The following ZNF385D variants were observed in gnomAD, a reference collection of about 807,000 sequenced individuals.
ZNF385D encodes the protein zinc finger protein 659.
In ZNF385D, 15 loss-of-function variants were observed where a neutral mutation model predicts 35.8. That is an observed-to-expected ratio of 0.42 (90% CI 0.28 to 0.64). ZNF385D has a LOEUF of 0.64. Ranked by LOEUF, ZNF385D falls within the 30% of genes least tolerant of loss-of-function variation. The pLI, the probability that ZNF385D is intolerant of heterozygous loss-of-function variation, is 0.23. For synonymous variants in ZNF385D, 212 were observed against 186.8 expected (o/e 1.13, Z -1.10); for missense variants, 474 against 494.6 (o/e 0.96, Z 0.39).
intron 2 of ZNF385D, among the ~76,000 whole-genome samples, chr3:21,659,518 C>A (rs1406699128): frequency 6.6e-6 from 1 of 152,026 alleles, no homozygotes; most frequent in Non-Finnish European, 1.5e-5. Context: ...CTGCTGTAAC[C>A]AGAGTCCTGA....
At chr3:21,998,492 A>G (rs1277757315) in intron 3 of ZNF385D, among the ~76,000 whole-genome samples, 1 of 152,348 alleles carries the variant, frequency 6.6e-6, no homozygotes, top group Admixed American at 6.5e-5. Flanking sequence ...GACATCAGCC[A>G]CAGGGCTGTT....
intron 3 of ZNF385D, among the ~76,000 whole-genome samples, chr3:22,096,588 C>T (rs886405562): frequency 6.6e-6 from 1 of 151,920 alleles, no homozygotes; most frequent in African/African-American, 2.4e-5. Flanking sequence ...AAATTTTATT[C>T]CTCCTCTATT....
At chr3:21,464,203 T>A (rs1456133159) in intron 4 of ZNF385D, among the ~76,000 whole-genome samples, 1 of 152,164 alleles carries the variant, frequency 6.6e-6, no homozygotes, top group Non-Finnish European at 1.5e-5. Context: ...GCAGATTTCA[T>A]CATAATTTTA....
At chr3:21,425,763 G>A in intron 5 of ZNF385D, 93 bp from the exon 6 acceptor site, 3 of 1,181,250 alleles carry the variant, frequency 2.5e-6, no homozygotes, top group Non-Finnish European at 3.5e-6. Flanking sequence ...ATCTTAGCTA[G>A]TATATACCTT....
rs573464733 is a variant in ZNF385D at position 21,635,784 on chromosome 3, C to A, written c.165+29102G>T. On this transcript the variant is annotated intron_variant, in intron 2 of 7. Transcript: ENST00000281523. Reference sequence around the variant, plus strand: ...CCTTTACATTCTCATAGCTTAGCTCCCACTTATGAGTGAGAACATACGATG... The same window carrying A: ...CCTTTACATTCTCATAGCTTAGCTCACACTTATGAGTGAGAACATACGATG... 3.3e-5 allele frequency among the ~76,000 whole-genome samples: 5 copies of A among 152,214 alleles called. No homozygotes were observed. The South Asian group carries it at 1.0e-3, about 32-fold the overall frequency.
At position 21,908,595 on chromosome 3, in the gene ZNF385D, A is replaced by C. The variant is rs1354297952; in HGVS notation, c.326-243567T>G. ...AAATCAAGGAAAGATTACCTACAAC[A>C]GTTAGGAAGGTTTTCACTAAGGATG... is the stretch of plus-strand genomic sequence containing the variant. On this transcript the variant is annotated intron_variant, in intron 3 of 5. Coordinates refer to the ZNF385D transcript ENST00000494108. Among the ~76,000 whole-genome samples, 8 of 152,230 alleles carry C rather than the reference A, an allele frequency of 5.3e-5. No individual in the cohort carries two copies. In the East Asian group the frequency reaches 1.5e-3, roughly 29 times the overall value.
chr3:22,343,217 T>C (rs1157778092), intron 2 of ZNF385D, among the ~76,000 whole-genome samples: 1 of 152,226 alleles, frequency 6.6e-6, no homozygotes, highest in Admixed American at 6.5e-5. Context: ...AAGAGCTAAT[T>C]CAAGACCCAT....
intron 2 of ZNF385D, among the ~76,000 whole-genome samples, chr3:22,312,705 C>T (rs547667213): frequency 2.2e-4 from 34 of 151,296 alleles, no homozygotes; most frequent in Non-Finnish European, 3.8e-4. Flanking sequence ...CAATGAGATA[C>T]CACCTCACAC....
At chr3:21,437,600 T>C (rs557245428) in intron 4 of ZNF385D, among the ~76,000 whole-genome samples, 2 of 151,644 alleles carry the variant, frequency 1.3e-5, no homozygotes, top group African/African-American at 4.8e-5. Context: ...GCTTTTAAGA[T>C]ACTTTGATTT....
chr3:21,896,929 T>G (rs2125891244), intron 3 of ZNF385D, among the ~76,000 whole-genome samples: 1 of 152,194 alleles, frequency 6.6e-6, no homozygotes, highest in South Asian at 2.1e-4. Context: ...GCAGCAAAAC[T>G]TTAAGAAAAA....
At chr3:21,650,960 C>T (rs1046156628) in intron 2 of ZNF385D, among the ~76,000 whole-genome samples, 6 of 151,918 alleles carry the variant, frequency 3.9e-5, no homozygotes, top group African/African-American at 1.5e-4. Flanking sequence ...TTCAGGACCT[C>T]GCAATTATCC....
chr3:21,556,072 T>TG (rs956709622), intron 3 of ZNF385D, among the ~76,000 whole-genome samples: 2 of 143,202 alleles, frequency 1.4e-5, no homozygotes, highest in South Asian at 2.2e-4. Context: ...GTTTTTGTTT[T>TG]TTTTTTTTTT....
intron 3 of ZNF385D, among the ~76,000 whole-genome samples, chr3:21,847,244 G>C (rs1696069236): frequency 1.3e-5 from 2 of 152,016 alleles, no homozygotes; most frequent in Non-Finnish European, 2.9e-5. Context: ...GGTGCTACAT[G>C]CAAAGGACTT....
intron 3 of ZNF385D, among the ~76,000 whole-genome samples, chr3:21,885,226 A>G (rs1449120603): frequency 6.6e-6 from 1 of 152,108 alleles, no homozygotes; most frequent in Non-Finnish European, 1.5e-5. Flanking sequence ...TTATTATCCA[A>G]TTCAGTGAAG....
intron 3 of ZNF385D, among the ~76,000 whole-genome samples, chr3:21,941,235 T>C (rs1034551478): frequency 7.2e-5 from 11 of 152,174 alleles, no homozygotes; most frequent in Middle Eastern, 3.2e-3. Context: ...GCTTATGGAA[T>C]TTATATGTTA....
chr3:21,467,581 C>G (rs963568852), intron 4 of ZNF385D, among the ~76,000 whole-genome samples: 1 of 152,228 alleles, frequency 6.6e-6, no homozygotes. Context: ...ACTTCCACTA[C>G]TAGAGCTTTG....
intron 3 of ZNF385D, chr3:21,849,572 G>T: frequency 7.3e-6 from 1 of 136,300 alleles, no homozygotes; most frequent in East Asian, 2.2e-4. Context: ...ATAGAATTTG[G>T]TTATATTTCC....
At chr3:21,430,918 T>C (rs1270746354) in intron 5 of ZNF385D, 2 of 152,210 alleles carry the variant, frequency 1.3e-5, no homozygotes, top group Non-Finnish European at 2.9e-5. Flanking sequence ...AACAGTGCTT[T>C]TGTTTGCATT....
At chr3:21,878,837 T>C (rs1201084727) in intron 3 of ZNF385D, among the ~76,000 whole-genome samples, 2 of 152,090 alleles carry the variant, frequency 1.3e-5, no homozygotes, top group Non-Finnish European at 2.9e-5. Context: ...CAACTATATA[T>C]CACAGCAGTT....
Sources: gnomAD v4.1 joint callset for allele counts (sites outside exome capture counted in the v4.1 genomes callset) on GRCh38, gnomAD v4.1.1 for gene constraint, MANE v1.5 for transcripts, NCBI Gene and HGNC (gene_info 2026-07-23, HGNC 2026-07-21) for gene names.